PTPN5: variants seen among roughly 807,000 people sequenced by gnomAD.
PTPN5 encodes the protein tyrosine-protein phosphatase non-receptor type 5.
In PTPN5, 29 loss-of-function variants were observed where a neutral mutation model predicts 73.9. The observed-to-expected ratio is 0.39, with a 90% CI of 0.29 to 0.54. The LOEUF is 0.54. Ranked by LOEUF, PTPN5 falls within the 20% of genes least tolerant of loss-of-function variation. The pLI is 0.65. For synonymous variants in PTPN5, 267 were observed against 304.7 expected (o/e 0.88, Z 1.29); for missense variants, 652 against 751.4 (o/e 0.87, Z 1.55).
At chr11:18,771,914 G>T (rs777638691) in intron 2 of PTPN5, 25 bp downstream of exon 2, 1 of 1,599,192 alleles carries the variant, frequency 6.3e-7, no homozygotes, top group African/African-American at 1.4e-5. Flanking sequence ...CGGGTTGCAG[G>T]GGGACGGCGT....
chr11:18,751,815 G>A (rs538646899), intron 3 of PTPN5, among the ~76,000 whole-genome samples: 44 of 152,350 alleles, frequency 2.9e-4, no homozygotes, highest in Non-Finnish European at 5.4e-4. Flanking sequence ...CTTAAAATAC[G>A]TCTGTAATTC....
At chr11:18,760,136 T>C (rs886976154) in intron 3 of PTPN5, among the ~76,000 whole-genome samples, 1 of 152,180 alleles carries the variant, frequency 6.6e-6, no homozygotes, top group Non-Finnish European at 1.5e-5. Flanking sequence ...TGCTTGTCAC[T>C]GTATCACCAG....
intron 3 of PTPN5, among the ~76,000 whole-genome samples, chr11:18,746,166 T>TAA (rs1192520241): frequency 0.014 from 1,105 of 79,164 alleles, 16 homozygotes; most frequent in African/African-American, 0.036. Context: ...AATATAAATA[T>TAA]ATATATATAT....
chr11:18,746,162 A>ATATATATATAT (rs1849612886), intron 3 of PTPN5, among the ~76,000 whole-genome samples: 1 of 67,638 alleles, frequency 1.5e-5, no homozygotes, highest in African/African-American at 4.4e-5. Flanking sequence ...TATAAATATA[A>ATATATATATAT]ATATATATAT....
intron 3 of PTPN5, among the ~76,000 whole-genome samples, chr11:18,752,269 G>A (rs1319440902): frequency 6.6e-6 from 1 of 152,210 alleles, no homozygotes; most frequent in East Asian, 1.9e-4. Context: ...GGACTTAGAG[G>A]ATGCTGTGAA....
Position 18,742,992 on chromosome 11 carries a change from C to T in PTPN5, c.483G>A (p.Leu161=). The T allele has an allele frequency of 6.5e-7, 1 of 1,549,108 alleles. No homozygotes were observed. The highest frequency in any genetic ancestry group is 8.7e-7 in the Non-Finnish European group (1 of 1,144,680). ...AGGTTGGGGTCAGGAGGCGCCTTAC[C>T]AGGGTGGTAACGAGGACCAGGCCCA... The part of the protein sequence containing the change: ...LSVGLVLVTT[L]VWHLLRTPPE... The change falls in exon 6 of 15, where the codon CTG becomes CTA. Residue 161 remains leucine, a splice_region_variant and synonymous_variant. Coordinates refer to ENST00000358540, the MANE Select transcript of PTPN5 (RefSeq NM_006906.2). The surrounding 1 kb of genome is among the most constrained non-coding windows in gnomAD (Gnocchi z 4.1).
In PTPN5 at chr11:18,729,444, TG is replaced by T; in HGVS notation, c.1604+8del. The T allele has an allele frequency of 7.3e-7, 1 of 1,374,182 alleles. No individual in the cohort carries two copies. The highest frequency in any genetic ancestry group is 1.0e-6 in the Non-Finnish European group (1 of 965,682). The allele number at this position is 1,374,182 out of a possible 1,614,324, so 85.1% of individuals were successfully genotyped here. A position where few individuals can be genotyped will look rare whatever the true frequency, so the allele number is the denominator to read the frequency against. Reference sequence around the variant, plus strand: ...CCTTGTGTGTCCCCACTCCCGCCCGTGGGCTGACCTGTCCTGACGGAGCTGG... The same window carrying T: ...CCTTGTGTGTCCCCACTCCCGCCCGTGGCTGACCTGTCCTGACGGAGCTGG... On this transcript the variant is annotated splice_region_variant and intron_variant, in intron 14 of 14. Coordinates refer to ENST00000358540, the MANE Select transcript of PTPN5 (RefSeq NM_006906.2). This position sits in a 1 kb window ranked among gnomAD's most constrained non-coding sequence, Gnocchi z 5.2.
intron 9 of PTPN5, among the ~76,000 whole-genome samples, chr11:18,734,809 T>A (rs1265880570): frequency 6.6e-6 from 1 of 152,206 alleles, no homozygotes; most frequent in African/African-American, 2.4e-5. Context: ...AGCTCACTTG[T>A]CCAGGCCTCA....
At chr11:18,776,713 A>C (rs916303793) in intron 1 of PTPN5, among the ~76,000 whole-genome samples, 2 of 152,234 alleles carry the variant, frequency 1.3e-5, no homozygotes, top group African/African-American at 4.8e-5. Context: ...AACTCAGTTT[A>C]TCTCAACCCC....
At chr11:18,735,154 C>G (rs974987325) in intron 9 of PTPN5, among the ~76,000 whole-genome samples, 5 of 152,198 alleles carry the variant, frequency 3.3e-5, no homozygotes, top group African/African-American at 1.2e-4. Flanking sequence ...ACAAGTTCCA[C>G]AAGTTAAAGG....
intron 1 of PTPN5, among the ~76,000 whole-genome samples, chr11:18,780,936 A>C (rs1367158261): frequency 2.0e-5 from 3 of 152,146 alleles, no homozygotes; most frequent in Non-Finnish European, 4.4e-5. Context: ...GGAGTGAAGG[A>C]AGAGGGAAGG....
chr11:18,746,864 T>C (rs181484153), intron 3 of PTPN5, among the ~76,000 whole-genome samples: 44 of 152,164 alleles, frequency 2.9e-4, no homozygotes, highest in African/African-American at 1.0e-3. Flanking sequence ...AAGCAGGGGG[T>C]TGATTTCTCA....
intron 3 of PTPN5, among the ~76,000 whole-genome samples, chr11:18,752,095 G>C (rs937742388): frequency 2.0e-5 from 3 of 152,146 alleles, no homozygotes; most frequent in African/African-American, 7.2e-5. Flanking sequence ...GTCAGGTGTG[G>C]TGGTGTGCGT....
rs756785865 is a variant in PTPN5, at chr11:18,740,707, C to A, written c.811G>T (p.Glu271Ter). 6.2e-7 allele frequency: 1 copy of A among 1,607,620 alleles called. No individual in the cohort carries two copies. Among genetic ancestry groups the A allele is most frequent in the Non-Finnish European group, 8.5e-7 (1 of 1,176,586 alleles). ...AGCAGGTACTCGCGGGCGGACTCCT[C>A]ACGTGGGGACATGAGATAGCCAAAG... ...EGFGYLMSPR[E>*]ESAREYLLSA... Residue 271 changes from glutamate (E) to a stop codon, truncating the protein, a stop_gained, in exon 8 of 15, where the codon GAG (glutamate) becomes TAG (stop). Transcript: ENST00000358540. LOFTEE classifies it high-confidence loss of function.
rs762123140 is a variant in PTPN5 at position 18,732,622 on chromosome 11, C to T, written c.1299G>A (p.Glu433=). The part of the protein sequence containing the change: ...EITVQKVIHT[E]DYRLRLISLK... ...GGGAGATGAGTCGCAGCCGGTAATC[C>T]TCCGTGTGAATGACTTTCTGCACAG... is the stretch of plus-strand genomic sequence containing the variant. The change falls in exon 12 of 15, where the codon GAG becomes GAA. Residue 433 remains glutamate, a synonymous_variant. Transcript: ENST00000358540. 1.4e-5 allele frequency: 22 copies of T among 1,613,874 alleles called. No homozygotes were observed. The East Asian group carries it at 4.7e-4, about 34-fold the overall frequency.
Position 18,742,591 on chromosome 11 carries a change from A to AC in PTPN5, c.484-89dup. 6.5e-7 allele frequency: 1 copy of AC among 1,539,918 alleles called. No individual in the cohort carries two copies. The highest frequency in any genetic ancestry group is 8.7e-7 in the Non-Finnish European group (1 of 1,146,314). On this transcript the variant is annotated intron_variant, in intron 6 of 14. Coordinates refer to ENST00000358540, the MANE Select transcript of PTPN5 (RefSeq NM_006906.2). The surrounding 1 kb of genome is among the most constrained non-coding windows in gnomAD (Gnocchi z 4.1). ...GTGCCCATGGGATTGACGCCCCCCC[A>AC]CTCCCTCAGTGTGTCTAGAGCAGCT...
intron 8 of PTPN5, among the ~76,000 whole-genome samples, chr11:18,738,227 A>T (rs1030419533): frequency 6.6e-5 from 10 of 152,218 alleles, no homozygotes; most frequent in Non-Finnish European, 1.0e-4. Flanking sequence ...TAAATAGCTG[A>T]TGAATGAAGA....
At position 18,737,981 on chromosome 11, in the gene PTPN5, C is replaced by T. The variant is rs578201636; in HGVS notation, c.916-17G>A. The T allele has an allele frequency of 5.0e-5, 80 of 1,609,052 alleles. No homozygotes were observed. Among genetic ancestry groups the T allele is most frequent in the Non-Finnish European group, 5.5e-5 (65 of 1,175,492 alleles). On this transcript the variant is annotated splice_polypyrimidine_tract_variant and intron_variant, in intron 8 of 14. Coordinates refer to ENST00000358540, the MANE Select transcript of PTPN5 (RefSeq NM_006906.2). ...GGGGATTTCCTGTGGAAGGAGGACA[C>T]GGGGTGTGAGCAGCTATGGGCCCTC...
At chr11:18,771,595 A>G (rs1850902586) in intron 2 of PTPN5, among the ~76,000 whole-genome samples, 1 of 152,140 alleles carries the variant, frequency 6.6e-6, no homozygotes, top group Admixed American at 6.5e-5. Flanking sequence ...TGTTTAGCAC[A>G]GGGCCTGAGC....
Sources: gnomAD v4.1 joint callset for allele counts (sites outside exome capture counted in the v4.1 genomes callset) on GRCh38, gnomAD v4.1.1 for gene constraint, Gnocchi (gnomAD v3.1) non-coding constraint, MANE v1.5 for transcripts, NCBI Gene and HGNC (gene_info 2026-07-23, HGNC 2026-07-21) for gene names.